The following OLFM1 variants were observed in gnomAD, a reference collection of about 807,000 sequenced individuals.
OLFM1 encodes the protein olfactomedin 1, also known as noelin.
OLFM1 carries 9 observed loss-of-function variants against 49.7 expected under a neutral mutation model. The ratio of observed to expected loss-of-function variants is 0.18; its 90% CI spans 0.11 to 0.32. The LOEUF is 0.32. Ranked by LOEUF, OLFM1 falls within the 10% of genes least tolerant of loss-of-function variation. OLFM1 has a pLI of 1.00. For synonymous variants in OLFM1, 240 were observed against 271.8 expected, an observed-to-expected ratio of 0.88 and a Z score of 1.15; for missense variants, 369 against 661.8, an observed-to-expected ratio of 0.56 and a Z score of 4.85.
chr9:135,108,439 T>C (rs1830975989), intron 5 of OLFM1, among the ~76,000 whole-genome samples: 1 of 151,832 alleles, frequency 6.6e-6, no homozygotes, highest in Non-Finnish European at 1.5e-5. Flanking sequence ...TTTGAGACCA[T>C]CCTGGCCAAC....
intron 4 of OLFM1, among the ~76,000 whole-genome samples, chr9:135,104,097 A>T (rs1055016821): frequency 6.6e-6 from 1 of 152,194 alleles, no homozygotes; most frequent in Admixed American, 6.5e-5. Flanking sequence ...AGACCCAGAC[A>T]TTCCTTGGCA....
At chr9:135,085,806 C>A (rs142287760), upstream of OLFM1, among the ~76,000 whole-genome samples, 48 of 152,348 alleles carry the variant, frequency 3.2e-4, no homozygotes, top group African/African-American at 1.1e-3. Context: ...CCTTATCTGA[C>A]GACCCTTTCA....
chr9:135,088,088 C>A lies in OLFM1; in HGVS notation c.99C>A (p.Asn33Lys). 7.0e-7 allele frequency: 1 copy of A among 1,432,684 alleles called. No homozygotes were observed. Among genetic ancestry groups the A allele is most frequent in the Non-Finnish European group, 9.3e-7 (1 of 1,078,512 alleles). 88.7% of individuals were successfully genotyped at this position (1,432,684 alleles called of 1,614,324 possible). The change falls in exon 1 of 6, where the codon AAC becomes AAA. Residue 33 changes from asparagine to lysine, a missense_variant. Asn to Lys is a moderately conservative substitution (Grantham distance 94). Transcript: ENST00000371793. This position sits in a 1 kb window ranked among gnomAD's most constrained non-coding sequence, Gnocchi z 4.8. ...SQTLPSLVGL[N>K]TTKLSAAGGG... The stretch of plus-strand genomic sequence containing the variant: ...CGCTGCCCTCGCTGGTGGGCCTCAA[C>A]ACCACCAAGCTCTCGGCGGCCGGCG...
chr9:135,076,250 C>G (rs1350392511), intron 1 of OLFM1: 8 of 1,550,600 alleles, frequency 5.2e-6, no homozygotes, highest in East Asian at 2.4e-5. Flanking sequence ...TTGGGCATAA[C>G]GCTGCCCTTG....
Position 135,098,220 on chromosome 9 carries a change from A to G in OLFM1, c.457-66A>G. The G allele has an allele frequency of 6.4e-7, 1 of 1,572,508 alleles. No individual in the cohort carries two copies. The highest frequency in any genetic ancestry group is 8.7e-7 in the Non-Finnish European group (1 of 1,151,572). The stretch of plus-strand genomic sequence containing the variant: ...ACTTTCCCTCACCTAGGGAGAAGCC[A>G]GGCCAAGGCAGGGTGTGAGAGTTCT... On this transcript the variant is annotated intron_variant, in intron 3 of 5. Transcript: ENST00000371793. This position sits in a 1 kb window ranked among gnomAD's most constrained non-coding sequence, Gnocchi z 5.6.
intron 3 of OLFM1, chr9:135,097,665 G>A (rs113242862): frequency 8.2e-6 from 7 of 853,556 alleles, no homozygotes; most frequent in African/African-American, 6.6e-5. Flanking sequence ...ACTAACTCGA[G>A]CATTACAGTG....
At chr9:135,090,485 C>A in intron 2 of OLFM1, 141 bp downstream of exon 2, 1 of 859,100 alleles carries the variant, frequency 1.2e-6, no homozygotes, top group Non-Finnish European at 1.8e-6. Flanking sequence ...TGGTTTGTCT[C>A]CACTCAAAAT....
chr9:135,101,185 G>C (rs563973997), intron 4 of OLFM1, among the ~76,000 whole-genome samples: 2 of 152,162 alleles, frequency 1.3e-5, no homozygotes, highest in African/African-American at 4.8e-5. Flanking sequence ...ACCCGCTGCC[G>C]GCCGTCCTGG....
intron 1 of OLFM1, among the ~76,000 whole-genome samples, chr9:135,078,432 A>T (rs1393827937): frequency 6.6e-6 from 1 of 152,236 alleles, no homozygotes; most frequent in Non-Finnish European, 1.5e-5. Flanking sequence ...GGAGTGGAGC[A>T]CATGGCGGGG....
chr9:135,118,815 G>A (rs140146622), intron 5 of OLFM1, among the ~76,000 whole-genome samples: 1,787 of 148,636 alleles, frequency 0.012, 17 homozygotes, highest in African/African-American at 0.041. Context: ...TGCTCGCCGG[G>A]TCTTTGGAGT....
At chr9:135,101,274 T>C (rs1465148752) in intron 4 of OLFM1, among the ~76,000 whole-genome samples, 1 of 152,154 alleles carries the variant, frequency 6.6e-6, no homozygotes, top group Non-Finnish European at 1.5e-5. Flanking sequence ...AGTTTCTTGG[T>C]GTGCCTGCTG....
At chr9:135,095,151 T>C (rs1830769985) in intron 2 of OLFM1, 1 of 152,212 alleles carries the variant, frequency 6.6e-6, no homozygotes, top group Non-Finnish European at 1.5e-5. Context: ...CAGATCTGCC[T>C]GTAAAGATGT....
rs943553725 is a variant in OLFM1 at position 135,093,239 on chromosome 9, G to A, written c.301-2625G>A. 3.3e-5 allele frequency among the ~76,000 whole-genome samples: 5 copies of A among 152,298 alleles called. 1 individual carries two copies. The highest frequency in any genetic ancestry group is 2.6e-4 in the Admixed American group (4 of 15,304). The stretch of plus-strand genomic sequence containing the variant: ...CAGGTAGTTCCATGCAGCTAGGGTC[G>A]AGCACTGTAGGGACACAGATAGTGG... On this transcript the variant is annotated intron_variant, in intron 2 of 5. Coordinates refer to ENST00000371793, the MANE Select transcript of OLFM1 (RefSeq NM_001282611.2).
chr9:135,087,638 CG>C, upstream of OLFM1: 1 of 580,496 alleles, frequency 1.7e-6, no homozygotes, highest in East Asian at 3.9e-5. Context: ...CTCCCGGCCG[CG>C]GCCCCCGCGC....
At chr9:135,108,833 C>T (rs1366433259) in intron 5 of OLFM1, among the ~76,000 whole-genome samples, 1 of 152,122 alleles carries the variant, frequency 6.6e-6, no homozygotes, top group Non-Finnish European at 1.5e-5. Flanking sequence ...GATGACAAGA[C>T]TGTTCTCACG....
chr9:135,090,315 A>G lies in OLFM1; in HGVS notation c.271A>G (p.Thr91Ala). ...GACCATGTGTTCACGGGATGCCCGC[A>G]CAAAACAGCTGAGGCAGCTACTGGA... ...QQTMCSRDAR[T>A]KQLRQLLEKV... The change falls in exon 2 of 6, where the codon ACA becomes GCA. Residue 91 changes from threonine to alanine, a missense_variant. This residue lies in a region of OLFM1 where 294 missense variants were observed against 567.5 expected (regional missense o/e 0.52). Coordinates refer to ENST00000371793, the MANE Select transcript of OLFM1 (RefSeq NM_001282611.2). 6.2e-7 allele frequency: 1 copy of G among 1,614,074 alleles called. No individual in the cohort carries two copies. The highest frequency in any genetic ancestry group is 1.3e-5 in the African/African-American group (1 of 75,032).
At chr9:135,078,738 C>A (rs552308978) in intron 1 of OLFM1, among the ~76,000 whole-genome samples, 22 of 152,168 alleles carry the variant, frequency 1.4e-4, no homozygotes, top group African/African-American at 5.3e-4. Flanking sequence ...CCAGGCCCAC[C>A]GCCACACCCC....
chr9:135,108,521 G>A (rs955157341), intron 5 of OLFM1, among the ~76,000 whole-genome samples: 7 of 151,702 alleles, frequency 4.6e-5, no homozygotes, highest in Non-Finnish European at 7.4e-5. Flanking sequence ...TAATCCCAGC[G>A]ACTCCGGAGG....
intron 1 of OLFM1, chr9:135,075,998 G>C (rs1830459889): frequency 7.0e-7 from 1 of 1,438,130 alleles, no homozygotes; most frequent in African/African-American, 1.5e-5. Context: ...AGGCTGACCG[G>C]AGACGGCGCT....
Sources: gnomAD v4.1 joint callset for allele counts (sites outside exome capture counted in the v4.1 genomes callset) on GRCh38, gnomAD v4.1.1 for gene constraint, gnomAD v4.1.1 regional missense constraint, Gnocchi (gnomAD v3.1) non-coding constraint, MANE v1.5 for transcripts, NCBI Gene and HGNC (gene_info 2026-07-23, HGNC 2026-07-21) for gene names.